PJA2: variants seen among roughly 807,000 people sequenced by gnomAD.
PJA2 encodes the protein praja ring finger ubiquitin ligase 2.
In PJA2, 25 loss-of-function variants were observed where a neutral mutation model predicts 69.3. The observed-to-expected ratio is 0.36, with a 90% CI of 0.26 to 0.50. PJA2 has a LOEUF of 0.50. PJA2 is among the 20% of genes least tolerant of loss of function. The pLI is 0.96. For missense variants in PJA2, 809 were observed against 830.2 expected, an observed-to-expected ratio of 0.97 and a Z score of 0.31; for synonymous variants, 308 against 277.8, an observed-to-expected ratio of 1.11 and a Z score of -1.08.
chr5:109,400,415 G>C (rs1206550676), intron 1 of PJA2, among the ~76,000 whole-genome samples: 1 of 148,616 alleles, frequency 6.7e-6, no homozygotes, highest in Admixed American at 6.8e-5. Flanking sequence ...TCCAAGAATT[G>C]TGGACTGCAT....
chr5:109,351,138 G>A (rs1173326418), intron 7 of PJA2, among the ~76,000 whole-genome samples: 2 of 147,924 alleles, frequency 1.4e-5, no homozygotes, highest in Admixed American at 1.3e-4. Flanking sequence ...AAAAACGGAA[G>A]GAATCTAAAG....
At position 109,378,926 on chromosome 5, in the gene PJA2, G is replaced by A. The variant is rs114450388; in HGVS notation, c.561C>T (p.Val187=). The change falls in exon 4 of 10, where the codon GTC becomes GTT. Residue 187 remains valine, a synonymous_variant. Coordinates refer to ENST00000361189, the MANE Select transcript of PJA2 (RefSeq NM_014819.5). ...DNDHLQLSAE[V]VEGSRYQESL... ...ATTCCTGGTATCTACTACCTTCCAC[G>A]ACTTCTGCAGAAAGTTGAAGATGGT... 8.2e-5 allele frequency: 132 copies of A among 1,614,036 alleles called. No homozygotes were observed. In the African/African-American group the frequency reaches 1.5e-3, roughly 19 times the overall value.
intron 7 of PJA2, 48 bp downstream of exon 7, chr5:109,355,867 T>G (rs1762404720): frequency 7.5e-7 from 1 of 1,337,290 alleles, no homozygotes; most frequent in South Asian, 1.2e-5. Context: ...ACCTTTATCA[T>G]TTTGTATCCC....
At chr5:109,383,792 G>A (rs1747101780) in intron 1 of PJA2, among the ~76,000 whole-genome samples, 2 of 152,122 alleles carry the variant, frequency 1.3e-5, no homozygotes, top group Admixed American at 1.3e-4. Flanking sequence ...AATTAGCCAG[G>A]CGTGGTGGTG....
chr5:109,348,009 G>C (rs1182035079), intron 7 of PJA2, among the ~76,000 whole-genome samples: 2 of 152,186 alleles, frequency 1.3e-5, no homozygotes, highest in Non-Finnish European at 2.9e-5. Context: ...GGTTACACCT[G>C]TTGAGCTTGA....
chr5:109,409,143 C>A (rs75761375), intron 1 of PJA2: 4,618 of 152,214 alleles, frequency 0.03, 90 homozygotes, highest in Middle Eastern at 0.051. Flanking sequence ...AAAATGATTA[C>A]CAGTCATCTG....
intron 5 of PJA2, among the ~76,000 whole-genome samples, chr5:109,365,278 AAT>A (rs1762566714): frequency 6.6e-6 from 1 of 152,230 alleles, no homozygotes; most frequent in Admixed American, 6.5e-5. Flanking sequence ...AGCTTCTTAG[AAT>A]ATGTGACTTT....
chr5:109,378,199 C>G lies in PJA2; in HGVS notation c.1283+5G>C. On this transcript the variant is annotated splice_donor_5th_base_variant and intron_variant, in intron 4 of 9. Transcript: ENST00000361189. ...AATCGGAAAAAGTACTGGATGTGAC[C>G]TTACCTATCTTCATCTTTGTCATAG... 2 of 1,601,412 alleles carry G rather than the reference C, an allele frequency of 1.2e-6. No homozygotes were observed. The highest frequency in any genetic ancestry group is 1.7e-6 in the Non-Finnish European group (2 of 1,172,076).
At chr5:109,363,153 A>T in intron 5 of PJA2, 131 bp from the exon 6 acceptor site, 1 of 725,068 alleles carries the variant, frequency 1.4e-6, no homozygotes, top group Non-Finnish European at 2.0e-6. Flanking sequence ...ATTCTAAAAA[A>T]CTGTCTTCCT....
Position 109,358,829 on chromosome 5 carries a change from C to A in PJA2, c.1653-2803G>T, listed in dbSNP as rs180934343. ...GAATGAGACTCTGTCTCAAAAAAAA[C>A]ATAAAACAAAAAACAAAAAATTGTT... On this transcript the variant is annotated intron_variant, in intron 6 of 9. Coordinates refer to ENST00000361189, the MANE Select transcript of PJA2 (RefSeq NM_014819.5). 7.5e-3 allele frequency among the ~76,000 whole-genome samples: 1,147 copies of A among 152,138 alleles called. 19 individuals carry two copies. The highest frequency in any genetic ancestry group is 0.026 in the African/African-American group (1,092 of 41,490).
At chr5:109,383,281 G>T in intron 2 of PJA2, 122 bp downstream of exon 2, 2 of 716,106 alleles carry the variant, frequency 2.8e-6, no homozygotes, top group South Asian at 2.3e-5. Flanking sequence ...TTCAATATAT[G>T]GATCAAAACC....
intron 6 of PJA2, among the ~76,000 whole-genome samples, chr5:109,357,104 C>A (rs965968504): frequency 6.6e-6 from 1 of 152,092 alleles, no homozygotes; most frequent in Non-Finnish European, 1.5e-5. Context: ...TAAATCTCTA[C>A]CTAATTCCTA....
intron 9 of PJA2, 42 bp downstream of exon 9, chr5:109,344,148 C>A (rs1220268581): frequency 3.1e-5 from 36 of 1,144,262 alleles, no homozygotes; most frequent in Non-Finnish European, 3.9e-5. Context: ...GCAGAAGACA[C>A]TATTAAAGTA....
chr5:109,363,303 G>A (rs754286127), intron 5 of PJA2, among the ~76,000 whole-genome samples: 8 of 152,130 alleles, frequency 5.3e-5, no homozygotes, highest in Admixed American at 3.9e-4. Flanking sequence ...TAGGAGAAAC[G>A]TAAGAAAAAT....
rs1761916970 is a variant in PJA2, at chr5:109,335,158, T to C, written c.*2073A>G. On this transcript the variant is annotated 3_prime_UTR_variant, in exon 10 of 10. Coordinates refer to ENST00000361189, the MANE Select transcript of PJA2 (RefSeq NM_014819.5). ...ATCTGAACTTGCCAGCCTTAGCTTA[T>C]ACCAGAGCTTGTTACCATGAAAATC... The C allele has an allele frequency of 6.6e-6, 1 of 152,664 alleles. No individual in the cohort carries two copies. The highest frequency in any genetic ancestry group is 1.5e-5 in the Non-Finnish European group (1 of 68,036). 9.5% of individuals were successfully genotyped at this position (152,664 alleles called of 1,614,324 possible).
chr5:109,348,738 TA>T (rs1762207430), intron 7 of PJA2, among the ~76,000 whole-genome samples: 1 of 152,220 alleles, frequency 6.6e-6, no homozygotes, highest in African/African-American at 2.4e-5. Context: ...TAAAGAATCC[TA>T]ACCAGCTGAG....
rs556044882 is a variant in PJA2 at position 109,400,488 on chromosome 5, G to T, written c.-88+9354C>A. Reference sequence around the variant, plus strand: ...AAAGAGAGCAAACCAGCAGGGGGAGGGGGGGGAAGGGCGGGGGGGTGTCGC... The same window carrying T: ...AAAGAGAGCAAACCAGCAGGGGGAGTGGGGGGAAGGGCGGGGGGGTGTCGC... On this transcript the variant is annotated intron_variant, in intron 1 of 9. Coordinates refer to ENST00000361189, the MANE Select transcript of PJA2 (RefSeq NM_014819.5). Among the ~76,000 whole-genome samples the T allele has an allele frequency of 8.1e-5, 12 of 148,746 alleles. No individual in the cohort carries two copies. The South Asian group carries it at 2.2e-3, about 27-fold the overall frequency.
intron 1 of PJA2, among the ~76,000 whole-genome samples, chr5:109,408,451 G>A (rs930890410): frequency 5.3e-5 from 8 of 152,108 alleles, no homozygotes; most frequent in Non-Finnish European, 2.9e-5. Context: ...AGACCTATAT[G>A]TAAAAAGTAA....
intron 1 of PJA2, among the ~76,000 whole-genome samples, chr5:109,398,180 T>C (rs368863467): frequency 2.6e-5 from 4 of 151,906 alleles, no homozygotes; most frequent in Non-Finnish European, 5.9e-5. Flanking sequence ...TGTGGAGAAA[T>C]AGGAACACTA....
Sources: gnomAD v4.1 joint callset for allele counts (sites outside exome capture counted in the v4.1 genomes callset) on GRCh38, gnomAD v4.1.1 for gene constraint, MANE v1.5 for transcripts, NCBI Gene and HGNC (gene_info 2026-07-23, HGNC 2026-07-21) for gene names.